The following CCR6 variants were observed in gnomAD, a reference collection of about 807,000 sequenced individuals.
CCR6 encodes the protein C-C motif chemokine receptor 6, also known as C-C chemokine receptor type 6.
A neutral mutation model predicts 3.0 loss-of-function variants in CCR6; 2 were observed. The ratio of observed to expected loss-of-function variants is 0.66; its 90% CI spans 0.27 to 2.07. The LOEUF is 2.07. Ranked by LOEUF, CCR6 falls within the 30% of genes most tolerant of loss-of-function variation. The pLI is 0.14. For missense variants in CCR6, 322 were observed against 462.8 expected (o/e 0.70, Z 2.79); for synonymous variants, 193 against 184.3 (o/e 1.05, Z -0.38).
At chr6:167,123,062 A>C (rs1249963196), upstream of CCR6, 1 of 152,818 alleles carries the variant, frequency 6.5e-6, no homozygotes, top group East Asian at 1.9e-4. Context: ...GTGGCAATCC[A>C]GAACTTGCTT....
intron 1 of CCR6, among the ~76,000 whole-genome samples, chr6:167,114,007 G>A (rs1781453081): frequency 6.6e-6 from 1 of 152,252 alleles, no homozygotes; most frequent in African/African-American, 2.4e-5. Context: ...TATGAGCAGA[G>A]ATCGTTAGGG....
intron 1 of CCR6, 117 bp downstream of exon 1, chr6:167,123,340 A>G (rs1781617165): frequency 6.6e-6 from 1 of 152,606 alleles, no homozygotes; most frequent in South Asian, 2.1e-4. Flanking sequence ...TGGCATATTG[A>G]CCATGTTTAT....
chr6:167,112,710 A>T (rs968333), intron 1 of CCR6, among the ~76,000 whole-genome samples: 61,018 of 151,834 alleles, frequency 0.4, 13,459 homozygotes, highest in Admixed American at 0.51. Context: ...ATCACAGGTG[A>T]GAAGGACATC....
chr6:167,131,104 G>A (rs1295907133), intron 1 of CCR6: 1 of 152,162 alleles, frequency 6.6e-6, no homozygotes, highest in Non-Finnish European at 1.5e-5. Flanking sequence ...GCGCCCCAGT[G>A]CTGGCCTTCT....
chr6:167,132,900 T>C (rs749740432), intron 1 of CCR6, among the ~76,000 whole-genome samples: 9 of 152,224 alleles, frequency 5.9e-5, no homozygotes, highest in Non-Finnish European at 1.2e-4. Flanking sequence ...GTCTTTTTTG[T>C]GTGTGTATTT....
intron 1 of CCR6, among the ~76,000 whole-genome samples, chr6:167,133,976 A>ATATATATATATATATAT (rs1781812019): frequency 7.1e-6 from 1 of 141,092 alleles, no homozygotes; most frequent in Non-Finnish European, 1.5e-5. Context: ...ATATAGTTTT[A>ATATATATATATATATAT]ACATCCAAAT....
chr6:167,133,932 G>GTGTATGTATATATATATA (rs1183741225), intron 1 of CCR6, among the ~76,000 whole-genome samples: 4 of 110,394 alleles, frequency 3.6e-5, no homozygotes, highest in Non-Finnish European at 6.9e-5. Flanking sequence ...ATATATGTGT[G>GTGTATGTATATATATATA]TATATATATA....
Position 167,137,067 on chromosome 6 carries a change from A to G in CCR6, c.837A>G (p.Ala279=). Residue 279 remains alanine (A), a synonymous_variant, in exon 3 of 3, where the codon GCA becomes GCG. Coordinates refer to ENST00000341935, the MANE Select transcript of CCR6 (RefSeq NM_031409.4). This position sits in a 1 kb window ranked among gnomAD's most constrained non-coding sequence, Gnocchi z 4.6. ...PHNMVLLVTA[A]NLGKMNRSCQ... ...ACATGGTCCTGCTTGTGACGGCTGC[A>G]AATTTGGGTAAAATGAACCGATCCT... is the stretch of plus-strand genomic sequence containing the variant. 6.2e-7 allele frequency: 1 copy of G among 1,614,194 alleles called. No homozygotes were observed. Among genetic ancestry groups the G allele is most frequent in the South Asian group, 1.1e-5 (1 of 91,078 alleles).
In CCR6 at chr6:167,117,430, T is replaced by TC. The variant is rs1452057154; in HGVS notation, c.-98+5416_-98+5417insC. On this transcript the variant is annotated intron_variant, in intron 1 of 2. Transcript: ENST00000400926. ...TTTTTTTTTTCTTTTTTTTTTTTTT[T>TC]TTTTGAGACGGAGTTTCGCTCTGTC... 4.1e-5 allele frequency among the ~76,000 whole-genome samples: 6 copies of TC among 145,820 alleles called. No individual in the cohort carries two copies. In the South Asian group the frequency reaches 8.8e-4, roughly 21 times the overall value.
upstream of CCR6, chr6:167,121,108 G>C (rs1050812559): frequency 3.3e-5 from 5 of 152,280 alleles, no homozygotes; most frequent in African/African-American, 1.2e-4. Context: ...GGCAGGGAGG[G>C]TGTTGCAGGG....
chr6:167,124,794 TGC>T (rs539517217), intron 1 of CCR6, among the ~76,000 whole-genome samples: 2 of 97,926 alleles, frequency 2.0e-5, no homozygotes, highest in East Asian at 5.2e-4. Flanking sequence ...TTACAGCATA[TGC>T]GCGCACACAC....
intron 1 of CCR6, among the ~76,000 whole-genome samples, chr6:167,128,834 A>G (rs1252253278): frequency 2.0e-5 from 3 of 152,202 alleles, no homozygotes; most frequent in Non-Finnish European, 4.4e-5. Context: ...TTGGCCTCCC[A>G]AAGTGCTGGG....
intron 1 of CCR6, among the ~76,000 whole-genome samples, chr6:167,123,471 A>G (rs780511560): frequency 6.6e-6 from 1 of 152,176 alleles, no homozygotes; most frequent in Non-Finnish European, 1.5e-5. Context: ...AGCTTCGGTG[A>G]TGGTCTGGGT....
intron 1 of CCR6, among the ~76,000 whole-genome samples, chr6:167,112,563 A>G (rs550515018): frequency 6.6e-6 from 1 of 152,314 alleles, no homozygotes; most frequent in Non-Finnish European, 1.5e-5. Context: ...AAAATGGAAC[A>G]TGTCTCCCAA....
At chr6:167,121,691 G>A (rs1017224844), upstream of CCR6, among the ~76,000 whole-genome samples, 3 of 152,182 alleles carry the variant, frequency 2.0e-5, no homozygotes, top group African/African-American at 2.4e-5. Flanking sequence ...AGCGCCCCAG[G>A]GCTTCTCTCA....
intron 1 of CCR6, among the ~76,000 whole-genome samples, chr6:167,117,617 G>T (rs527955549): frequency 6.6e-6 from 1 of 151,324 alleles, no homozygotes; most frequent in East Asian, 1.9e-4. Context: ...GGGTTTCACC[G>T]TGTCAGCCAG....
At chr6:167,114,364 T>C (rs1005096035) in intron 1 of CCR6, among the ~76,000 whole-genome samples, 2 of 152,204 alleles carry the variant, frequency 1.3e-5, no homozygotes, top group Non-Finnish European at 1.5e-5. Flanking sequence ...GGTGGTCTTC[T>C]GAGCAGTGGT....
intron 1 of CCR6, among the ~76,000 whole-genome samples, chr6:167,117,481 A>G (rs1781516882): frequency 7.5e-6 from 1 of 132,732 alleles, no homozygotes; most frequent in Non-Finnish European, 1.5e-5. Context: ...CAGTGGCACG[A>G]TCTCGACTCA....
At position 167,130,999 on chromosome 6, in the gene CCR6, T is replaced by TCCGGGAC. The variant is rs1234595114; in HGVS notation, c.-97-5039_-97-5038insCCGGGAC. Among the ~76,000 whole-genome samples the TCCGGGAC allele has an allele frequency of 6.0e-3, 404 of 67,476 alleles. 35 individuals carry two copies. The highest frequency in any genetic ancestry group is 0.019 in the African/African-American group (243 of 12,466). The allele number at this position is 67,476 out of a possible 152,430, so 44.3% of individuals were successfully genotyped here. A position where few individuals can be genotyped will look rare whatever the true frequency, so the allele number is the denominator to read the frequency against. ...CCACCCTCCCTCTGGACCCCCTCCC[T>TCCGGGAC]TTGGGACCCCTCCTTCTGGGACCCC... On this transcript the variant is annotated intron_variant, in intron 1 of 2. Coordinates refer to ENST00000341935, the MANE Select transcript of CCR6 (RefSeq NM_031409.4).
Sources: gnomAD v4.1 joint callset for allele counts (sites outside exome capture counted in the v4.1 genomes callset) on GRCh38, gnomAD v4.1.1 for gene constraint, Gnocchi (gnomAD v3.1) non-coding constraint, MANE v1.5 for transcripts, NCBI Gene and HGNC (gene_info 2026-07-23, HGNC 2026-07-21) for gene names.